The following INCA1 variants were observed in gnomAD, a reference collection of about 807,000 sequenced individuals.
INCA1 encodes the protein inhibitor of CDK, cyclin A1 interacting protein 1, also known as protein INCA1.
INCA1 carries 28 observed loss-of-function variants against 25.7 expected under a neutral mutation model. The observed-to-expected ratio is 1.09, with a 90% CI of 0.81 to 1.49. The LOEUF (loss-of-function observed/expected upper bound fraction) is 1.49. Among genes scored for constraint, INCA1 ranks in the 40% most tolerant of loss-of-function variants. The pLI, the probability that INCA1 is intolerant of heterozygous loss-of-function variation, is 0.00. For synonymous variants in INCA1, 111 were observed against 103.6 expected (o/e 1.07, Z -0.43); for missense variants, 309 against 290.9 (o/e 1.06, Z -0.45).
Position 4,989,412 on chromosome 17 carries a change from T to G in INCA1, c.395+16A>C. The G allele has an allele frequency of 6.2e-7, 1 of 1,605,516 alleles. No homozygotes were observed. Among genetic ancestry groups the G allele is most frequent in the South Asian group, 1.1e-5 (1 of 90,474 alleles). On this transcript the variant is annotated intron_variant, in intron 5 of 6. Transcript: ENST00000576820. ...TCCTGCATGACTCCCAGAACCCAGA[T>G]GTCTCCCTTCCTTACTCGTTGATGA...
chr17:4,989,482 C>G (rs761747720), exon 5 of INCA1: 16 of 1,614,104 alleles, frequency 9.9e-6, no homozygotes, highest in Non-Finnish European at 1.4e-5. Context: ...AGTGACAGCC[C>G]TCACCCGGGC....
chr17:4,996,372 ACCC>A (rs1176710326), intron 1 of INCA1, among the ~76,000 whole-genome samples: 1 of 149,902 alleles, frequency 6.7e-6, no homozygotes, highest in African/African-American at 2.5e-5. Context: ...TCAGAGTGAG[ACCC>A]TGTTTCTAAG....
rs1199998560 is a variant in INCA1, at chr17:4,989,591, G to C, written c.232C>G (p.Pro78Ala). 3.7e-6 allele frequency: 6 copies of C among 1,614,138 alleles called. 1 individual carries two copies. In the South Asian group the frequency reaches 6.6e-5, roughly 18 times the overall value. ...TCAGGGGGTGGGAGCTGCTCAGGAG[G>C]ATACAGACCAAGCTGGGAGCAACCA... is the stretch of plus-strand genomic sequence containing the variant. The change falls in exon 5 of 7, where the codon CCT becomes GCT. Residue 78 changes from proline (P) to alanine (A), a missense_variant. Physicochemically the swap from Pro to Ala is conservative, Grantham distance 27. Transcript: ENST00000576820.
rs1455476633 is a variant in INCA1 at position 4,990,159 on chromosome 17, TTTGA to T, written c.147_150del (p.Asn49LysfsTer17). On this transcript the variant is annotated frameshift_variant, in exon 3 of 7. Coordinates refer to ENST00000576820, the Ensembl canonical transcript of INCA1. LOFTEE classifies it high-confidence loss of function. ...ATTTTCTCCTCTACTCACGTGGGCCTTTGATTAAGGTTCTTCCAGAAGACATCTC... is the reference window on the plus strand; with the variant it reads ...ATTTTCTCCTCTACTCACGTGGGCCTTTAAGGTTCTTCCAGAAGACATCTC... 3.7e-6 allele frequency: 6 copies of T among 1,614,144 alleles called. No individual in the cohort carries two copies. Among genetic ancestry groups the T allele is most frequent in the Non-Finnish European group, 5.1e-6 (6 of 1,180,026 alleles).
At chr17:4,993,369 G>A (rs1974007562) in intron 2 of INCA1, among the ~76,000 whole-genome samples, 2 of 150,164 alleles carry the variant, frequency 1.3e-5, no homozygotes, top group South Asian at 2.1e-4. Context: ...AGTAGAGATG[G>A]GGTTTCTCCA....
chr17:4,991,958 T>TC (rs999213724), intron 2 of INCA1, among the ~76,000 whole-genome samples: 2 of 151,968 alleles, frequency 1.3e-5, no homozygotes, highest in African/African-American at 2.4e-5. Flanking sequence ...AATGGTCTCT[T>TC]CCCCCCGTCT....
intron 2 of INCA1, among the ~76,000 whole-genome samples, chr17:4,991,643 CA>C (rs1217966353): frequency 2.0e-5 from 3 of 152,160 alleles, no homozygotes; most frequent in African/African-American, 7.2e-5. Context: ...TGATCTCACC[CA>C]GTACCATGCT....
chr17:4,996,477 T>A (rs1329946529), intron 1 of INCA1, among the ~76,000 whole-genome samples: 3 of 147,336 alleles, frequency 2.0e-5, no homozygotes, highest in Non-Finnish European at 3.0e-5. Context: ...AGGTCAGGAG[T>A]TCGAGACCAG....
rs116341067 is a variant in INCA1 at position 4,989,373 on chromosome 17, G to T, written c.395+55C>A. On this transcript the variant is annotated intron_variant, in intron 5 of 6. Coordinates refer to ENST00000576820, the Ensembl canonical transcript of INCA1. ...GTCAACCCCTTCCTTAGCTCAAACT[G>T]TTCTGCCCCCAAATCCTGCATGACT... 6.6e-5 allele frequency: 102 copies of T among 1,534,046 alleles called. 1 individual carries two copies. In the African/African-American group the frequency reaches 1.3e-3, roughly 19 times the overall value.
chr17:4,994,552 G>A, intron 1 of INCA1, 77 bp from the exon 2 acceptor site: 1 of 1,131,838 alleles, frequency 8.8e-7, no homozygotes, highest in Non-Finnish European at 1.3e-6. Flanking sequence ...AGTACTTTTG[G>A]AGGCCAAGGC....
At chr17:4,991,037 G>C (rs994783356) in intron 2 of INCA1, among the ~76,000 whole-genome samples, 4 of 151,356 alleles carry the variant, frequency 2.6e-5, no homozygotes, top group Non-Finnish European at 5.9e-5. Flanking sequence ...TCCTGCCTCA[G>C]CCTCCCGAGT....
At chr17:4,994,624 T>C (rs961123123) in intron 1 of INCA1, 149 bp from the exon 2 acceptor site, 15 of 582,948 alleles carry the variant, frequency 2.6e-5, no homozygotes, top group African/African-American at 2.3e-4. Context: ...ACCCCATCTC[T>C]GCTAAAAATA....
Position 4,996,690 on chromosome 17 carries a change from A to T in INCA1, c.-39+313T>A, listed in dbSNP as rs560474693. On this transcript the variant is annotated intron_variant, in intron 1 of 6. Transcript: ENST00000576820. ...TCAAAAAAAAAAAAAAAAAAAAAAA[A>T]AGAATACTAGATAAGTTAGGAGAGA... Among the ~76,000 whole-genome samples the T allele has an allele frequency of 2.9e-5, 4 of 138,286 alleles. No homozygotes were observed. The South Asian group carries it at 9.1e-4, about 32-fold the overall frequency. The allele number at this position is 138,286 out of a possible 152,430, so 90.7% of individuals were successfully genotyped here. A position where few individuals can be genotyped will look rare whatever the true frequency, so the allele number is the denominator to read the frequency against.
At chr17:4,988,208 G>A (rs1973497242), downstream of INCA1, 1 of 517,842 alleles carries the variant, frequency 1.9e-6, no homozygotes, top group East Asian at 3.4e-5. Flanking sequence ...CAGGACTTGG[G>A]GTGCTCCTGT....
downstream of INCA1, chr17:4,988,201 G>A: frequency 2.0e-6 from 1 of 509,112 alleles, no homozygotes; most frequent in Non-Finnish European, 3.4e-6. Flanking sequence ...AGGAAAACAG[G>A]ACTTGGGGTG....
chr17:4,995,091 G>A (rs1004938249), intron 1 of INCA1, among the ~76,000 whole-genome samples: 2 of 151,938 alleles, frequency 1.3e-5, no homozygotes, highest in African/African-American at 4.8e-5. Flanking sequence ...TGTAATCCCA[G>A]CTACTCCGGA....
At chr17:4,989,953 A>T (rs747222914) in intron 3 of INCA1, 24 bp from the exon 4 acceptor site, 2 of 1,614,044 alleles carry the variant, frequency 1.2e-6, no homozygotes, top group African/African-American at 1.3e-5. Flanking sequence ...AAAGGGGGCT[A>T]TAAGTGCAGA....
At chr17:4,991,357 A>T (rs1034687981) in intron 2 of INCA1, among the ~76,000 whole-genome samples, 6 of 152,188 alleles carry the variant, frequency 3.9e-5, no homozygotes, top group African/African-American at 1.4e-4. Context: ...TTAAAGAGGA[A>T]GGCCTTGGCT....
chr17:4,993,335 A>G lies in INCA1; in HGVS notation c.44+1059T>C, dbSNP rs575800150. On this transcript the variant is annotated intron_variant, in intron 2 of 6. Coordinates refer to ENST00000576820, the Ensembl canonical transcript of INCA1. ...GCTGGGATTACAGGCATGCGCCACC[A>G]CACTTGGCTAATTTTGTATTTTTAG... Among the ~76,000 whole-genome samples the G allele has an allele frequency of 1.1e-4, 17 of 151,826 alleles. No individual in the cohort carries two copies. In the East Asian group the frequency reaches 1.7e-3, roughly 16 times the overall value.
Sources: gnomAD v4.1 joint callset for allele counts (sites outside exome capture counted in the v4.1 genomes callset) on GRCh38, gnomAD v4.1.1 for gene constraint, MANE v1.5 for transcripts, NCBI Gene and HGNC (gene_info 2026-07-23, HGNC 2026-07-21) for gene names.